Variants in GABRA5 observed in about 807,000 individuals in gnomAD.
GABRA5 encodes the protein gamma-aminobutyric acid type A receptor subunit alpha5.
Under a neutral mutation model 47.3 loss-of-function variants are expected in GABRA5, and 18 were observed. The ratio of observed to expected loss-of-function variants is 0.38; its 90% CI spans 0.26 to 0.56. The LOEUF (loss-of-function observed/expected upper bound fraction) is 0.56, where lower values mean the gene tolerates loss of function less well. Among genes scored for constraint, GABRA5 ranks in the 20% least tolerant of loss-of-function variants. The probability of loss-of-function intolerance (pLI) is 0.71; values close to 1 mark genes in which losing one functional copy is unlikely to be tolerated. For missense variants in GABRA5, 365 were observed against 599.3 expected, an observed-to-expected ratio of 0.61 and a Z score of 4.08; for synonymous variants, 237 against 229.3, an observed-to-expected ratio of 1.03 and a Z score of -0.30.
At chr15:26,894,206 G>A (rs2140271975) in intron 6 of GABRA5, among the ~76,000 whole-genome samples, 1 of 152,304 alleles carries the variant, frequency 6.6e-6, no homozygotes, top group South Asian at 2.1e-4. Context: ...GGAAACGGAA[G>A]CCTTCTGGGA....
At chr15:26,947,896 C>A (rs1356373142) in intron 10 of GABRA5, 38 bp from the exon 11 acceptor site, 9 of 1,526,694 alleles carry the variant, frequency 5.9e-6, no homozygotes, top group Non-Finnish European at 8.0e-6. Context: ...CCATTGCCTG[C>A]AAATGGCGTG....
At chr15:26,879,792 A>G (rs1566864591) in intron 3 of GABRA5, among the ~76,000 whole-genome samples, 1 of 152,134 alleles carries the variant, frequency 6.6e-6, no homozygotes, top group African/African-American at 2.4e-5. Context: ...AAGCACTTTA[A>G]GCACAGCTAG....
intron 3 of GABRA5, among the ~76,000 whole-genome samples, chr15:26,869,718 G>T (rs1892416431): frequency 6.6e-6 from 1 of 152,216 alleles, no homozygotes. Flanking sequence ...GCCCTCCACG[G>T]TTCCATTATG....
At chr15:26,921,997 T>A (rs1013258000) in intron 7 of GABRA5, among the ~76,000 whole-genome samples, 1 of 152,166 alleles carries the variant, frequency 6.6e-6, no homozygotes, top group African/African-American at 2.4e-5. Flanking sequence ...GTGAGCATTG[T>A]TTTATGCACA....
At chr15:26,912,373 T>C (rs1893617204) in intron 6 of GABRA5, among the ~76,000 whole-genome samples, 1 of 152,252 alleles carries the variant, frequency 6.6e-6, no homozygotes, top group Non-Finnish European at 1.5e-5. Flanking sequence ...TTGACAAATT[T>C]GCTAACAACC....
Position 26,883,546 on chromosome 15 carries a change from C to T in GABRA5, c.486C>T (p.Leu162=). The T allele has an allele frequency of 6.6e-7, 1 of 1,518,728 alleles. No individual in the cohort carries two copies. The highest frequency in any genetic ancestry group is 9.1e-7 in the Non-Finnish European group (1 of 1,096,816). The allele number at this position is 1,518,728 out of a possible 1,614,324, so 94.1% of individuals were successfully genotyped here. A position where few individuals can be genotyped will look rare whatever the true frequency, so the allele number is the denominator to read the frequency against. Residue 162 remains leucine (L), a synonymous_variant, in exon 6 of 11, where the codon CTC becomes CTT. Transcript: ENST00000335625. The surrounding 1 kb of genome is among the most constrained non-coding windows in gnomAD (Gnocchi z 4.8). The part of the protein sequence containing the change: ...LLRLEDDGTL[L]YTMRLTISAE... ...GGCTGGAGGACGACGGCACCCTGCT[C>T]TACACCATGCGGTGAGCGCCGGGCG... is the stretch of plus-strand genomic sequence containing the variant.
At chr15:26,901,944 A>G (rs910868484) in intron 6 of GABRA5, among the ~76,000 whole-genome samples, 2 of 151,924 alleles carry the variant, frequency 1.3e-5, no homozygotes, top group Non-Finnish European at 2.9e-5. Context: ...TCCTTTGTCA[A>G]ATATCAGTTG....
intron 4 of GABRA5, among the ~76,000 whole-genome samples, chr15:26,882,794 G>C (rs1168783797): frequency 2.0e-5 from 3 of 152,104 alleles, no homozygotes; most frequent in African/African-American, 7.2e-5. Flanking sequence ...TGTGGCGACG[G>C]CGTGGCCCTG....
At chr15:26,922,013 G>A (rs185721503) in intron 7 of GABRA5, among the ~76,000 whole-genome samples, 37 of 151,970 alleles carry the variant, frequency 2.4e-4, no homozygotes, top group African/African-American at 8.9e-4. Flanking sequence ...GCACAATATG[G>A]CCTACTTGAT....
At chr15:26,877,387 T>C (rs1360741156) in intron 3 of GABRA5, among the ~76,000 whole-genome samples, 3 of 152,196 alleles carry the variant, frequency 2.0e-5, no homozygotes, top group African/African-American at 7.2e-5. Flanking sequence ...ACTCATTTAA[T>C]GACCTGAAAG....
chr15:26,927,012 A>G (rs1347047189), intron 7 of GABRA5, among the ~76,000 whole-genome samples: 1 of 152,162 alleles, frequency 6.6e-6, no homozygotes, highest in Admixed American at 6.5e-5. Context: ...TAAGATTCAT[A>G]TTATATATAA....
chr15:26,897,325 T>A (rs927004572), intron 6 of GABRA5, among the ~76,000 whole-genome samples: 1 of 152,064 alleles, frequency 6.6e-6, no homozygotes, highest in Non-Finnish European at 1.5e-5. Flanking sequence ...GAGGAGAAGA[T>A]TAGAACACGG....
chr15:26,940,850 C>T (rs1894366469), intron 9 of GABRA5, among the ~76,000 whole-genome samples: 1 of 152,174 alleles, frequency 6.6e-6, no homozygotes, highest in Non-Finnish European at 1.5e-5. Context: ...GCGTCTGAGT[C>T]TTAATTACCT....
intron 7 of GABRA5, among the ~76,000 whole-genome samples, chr15:26,920,350 A>C (rs1893814899): frequency 6.6e-6 from 1 of 150,694 alleles, no homozygotes; most frequent in Non-Finnish European, 1.5e-5. Flanking sequence ...TCTATTTTTG[A>C]ATTCATTGAT....
chr15:26,931,468 A>G (rs1180043698), intron 7 of GABRA5, among the ~76,000 whole-genome samples: 1 of 152,100 alleles, frequency 6.6e-6, no homozygotes, highest in African/African-American at 2.4e-5. Flanking sequence ...CACCTCCCGA[A>G]GGCTCTTACA....
At chr15:26,903,609 C>G (rs146377156) in intron 6 of GABRA5, among the ~76,000 whole-genome samples, 3,614 of 152,242 alleles carry the variant, frequency 0.024, 149 homozygotes, top group African/African-American at 0.083. Context: ...ACAACCTCAC[C>G]AGCATCTGTT....
chr15:26,892,276 A>C (rs900653724), intron 6 of GABRA5, among the ~76,000 whole-genome samples: 1 of 152,266 alleles, frequency 6.6e-6, no homozygotes, highest in Non-Finnish European at 1.5e-5. Context: ...TGCCAGCCAC[A>C]TTCCCAGCAG....
chr15:26,935,576 C>T (rs931089433), intron 7 of GABRA5, among the ~76,000 whole-genome samples: 2 of 152,204 alleles, frequency 1.3e-5, no homozygotes, highest in Non-Finnish European at 2.9e-5. Flanking sequence ...CACTTGGCCT[C>T]GAGTCCAGGA....
chr15:26,911,874 C>A (rs1327721168), intron 6 of GABRA5, among the ~76,000 whole-genome samples: 1 of 152,168 alleles, frequency 6.6e-6, no homozygotes, highest in Middle Eastern at 3.2e-3. Context: ...GCAGACATGG[C>A]AGTGTCTGGA....
Sources: gnomAD v4.1 joint callset for allele counts (sites outside exome capture counted in the v4.1 genomes callset) on GRCh38, gnomAD v4.1.1 for gene constraint, Gnocchi (gnomAD v3.1) non-coding constraint, MANE v1.5 for transcripts, NCBI Gene and HGNC (gene_info 2026-07-23, HGNC 2026-07-21) for gene names.